GRIK2: variants seen among roughly 807,000 people sequenced by gnomAD.
The protein encoded by GRIK2 is glutamate receptor ionotropic, kainate 2.
A neutral mutation model predicts 100.3 loss-of-function variants in GRIK2; 32 were observed. The observed-to-expected ratio is 0.32, with a 90% confidence interval of 0.24 to 0.43. The LOEUF (loss-of-function observed/expected upper bound fraction) is 0.43, where lower values mean the gene tolerates loss of function less well. GRIK2 is among the 20% of genes least tolerant of loss of function. The pLI, the probability that GRIK2 is intolerant of heterozygous loss-of-function variation, is 1.00. For synonymous variants in GRIK2, 417 were observed against 389.4 expected, an observed-to-expected ratio of 1.07 and a Z score of -0.83; for missense variants, 843 against 1,114.9, an observed-to-expected ratio of 0.76 and a Z score of 3.47.
rs749025045 is a variant in GRIK2, at chr6:101,622,106, A to T, written c.273A>T (p.Ala91=). The T allele has an allele frequency of 2.5e-6, 4 of 1,582,306 alleles. No homozygotes were observed. ...QKINLYDSFE[A]SKKACDQLSL... ...TAAACCTTTATGATAGTTTTGAAGCATCCAAGAAAGGTAATTGATAGATTT... is the reference window on the plus strand; with the variant it reads ...TAAACCTTTATGATAGTTTTGAAGCTTCCAAGAAAGGTAATTGATAGATTT... Residue 91 remains alanine (A), a synonymous_variant, in exon 3 of 17, where the codon GCA becomes GCT. Coordinates refer to ENST00000369134, the MANE Select transcript of GRIK2 (RefSeq NM_021956.5).
In GRIK2 at chr6:101,630,885, T is replaced by A. The variant is rs185285802; in HGVS notation, c.541+4248T>A. Among the ~76,000 whole-genome samples, 136 of 152,248 alleles carry A rather than the reference T, an allele frequency of 8.9e-4. 1 individual carries two copies. Among genetic ancestry groups the A allele is most frequent in the African/African-American group, 2.7e-3 (111 of 41,566 alleles). On this transcript the variant is annotated intron_variant, in intron 4 of 16. Coordinates refer to ENST00000369134, the MANE Select transcript of GRIK2 (RefSeq NM_021956.5). ...ATATTTCCTTTTTCCTTTCCATATT[T>A]ATTTATTATGTATGCTGTTGCTCCC...
At chr6:101,924,560 C>A in intron 12 of GRIK2, 41 bp from the exon 13 acceptor site, 1 of 1,025,788 alleles carries the variant, frequency 9.7e-7, no homozygotes, top group Non-Finnish European at 1.5e-6. Context: ...TTTCTTCCCA[C>A]TGCAATTTAA....
chr6:101,565,628 A>G (rs1022214197), intron 2 of GRIK2, among the ~76,000 whole-genome samples: 1 of 151,956 alleles, frequency 6.6e-6, no homozygotes, highest in African/African-American at 2.4e-5. Flanking sequence ...ATTTCATGTC[A>G]ATAAATAAAT....
rs576930137 is a variant in GRIK2, at chr6:101,397,861, TA to T, written c.-293-1119del. On this transcript the variant is annotated intron_variant, in intron 1 of 16. Transcript: ENST00000369134. ...TTGCCTTTTGTGATGTTTAATCTTT[TA>T]AAAATGTTGACAATATATATTTATT... Among the ~76,000 whole-genome samples, 4 of 152,248 alleles carry T rather than the reference TA, an allele frequency of 2.6e-5. No individual in the cohort carries two copies. The South Asian group carries it at 8.3e-4, about 32-fold the overall frequency.
intron 10 of GRIK2, among the ~76,000 whole-genome samples, chr6:101,846,626 A>T (rs1258340563): frequency 6.6e-6 from 1 of 152,094 alleles, no homozygotes; most frequent in Admixed American, 6.6e-5. Flanking sequence ...GGAATTCATC[A>T]GTGAAGTTAT....
intron 7 of GRIK2, among the ~76,000 whole-genome samples, chr6:101,788,888 T>A (rs1404967675): frequency 6.6e-6 from 1 of 152,192 alleles, no homozygotes; most frequent in African/African-American, 2.4e-5. Flanking sequence ...TCCTGACTGT[T>A]TAATGATTGC....
intron 2 of GRIK2, among the ~76,000 whole-genome samples, chr6:101,549,848 A>G (rs879249698): frequency 6.6e-6 from 1 of 152,170 alleles, no homozygotes; most frequent in Admixed American, 6.5e-5. Flanking sequence ...GTGAAGTGAG[A>G]ACTATAATTA....
chr6:101,914,617 G>C (rs1788976670), intron 12 of GRIK2, among the ~76,000 whole-genome samples: 1 of 151,408 alleles, frequency 6.6e-6, no homozygotes, highest in Non-Finnish European at 1.5e-5. Context: ...CTGACAATGT[G>C]TTGCCCCCCC....
chr6:101,688,395 C>T (rs1225054829), intron 7 of GRIK2, among the ~76,000 whole-genome samples: 1 of 151,786 alleles, frequency 6.6e-6, no homozygotes, highest in African/African-American at 2.4e-5. Context: ...CTTTACACAT[C>T]ATCTCCCGAA....
At chr6:101,875,896 T>G (rs1785798921) in intron 11 of GRIK2, among the ~76,000 whole-genome samples, 2 of 152,034 alleles carry the variant, frequency 1.3e-5, no homozygotes, top group South Asian at 2.1e-4. Flanking sequence ...TTGAACATAT[T>G]TTACACACTT....
At chr6:101,525,670 C>T (rs368115574) in intron 2 of GRIK2, among the ~76,000 whole-genome samples, 227 of 152,222 alleles carry the variant, frequency 1.5e-3, no homozygotes, top group African/African-American at 5.2e-3. Flanking sequence ...TTTCCTTATG[C>T]GTTAGGATGA....
chr6:101,433,921 A>T (rs1014469920), intron 2 of GRIK2, among the ~76,000 whole-genome samples: 1 of 152,208 alleles, frequency 6.6e-6, no homozygotes, highest in African/African-American at 2.4e-5. Flanking sequence ...ACAGGCCAGG[A>T]ATAGATCTTA....
chr6:101,469,941 C>A (rs1456381784), intron 2 of GRIK2, among the ~76,000 whole-genome samples: 3 of 152,168 alleles, frequency 2.0e-5, no homozygotes, highest in Non-Finnish European at 4.4e-5. Context: ...CCACTTATGT[C>A]ATAGCTTTTT....
intron 2 of GRIK2, among the ~76,000 whole-genome samples, chr6:101,561,157 A>G (rs889457113): frequency 7.9e-5 from 12 of 152,174 alleles, no homozygotes; most frequent in Admixed American, 2.6e-4. Context: ...TTAGGAAGCT[A>G]TGTGTTTGAT....
intron 2 of GRIK2, among the ~76,000 whole-genome samples, chr6:101,537,455 CGTGTGT>C (rs559277470): frequency 2.3e-5 from 3 of 130,602 alleles, no homozygotes; most frequent in African/African-American, 8.7e-5. Flanking sequence ...TGTGTGTGTG[CGTGTGT>C]GTGTGTGTGT....
chr6:101,395,015 G>A (rs2852504), intron 1 of GRIK2, among the ~76,000 whole-genome samples: 26,433 of 152,050 alleles, frequency 0.17, 2,473 homozygotes, highest in Non-Finnish European at 0.19. Flanking sequence ...ACTTATTTTA[G>A]TGTCTAAAAA....
At chr6:101,623,866 G>C (rs1214523658) in intron 3 of GRIK2, among the ~76,000 whole-genome samples, 1 of 152,006 alleles carries the variant, frequency 6.6e-6, no homozygotes, top group Non-Finnish European at 1.5e-5. Flanking sequence ...TGTTTGTTGA[G>C]TTATTACTGC....
chr6:101,593,338 A>G (rs926107057), intron 2 of GRIK2, among the ~76,000 whole-genome samples: 7 of 151,978 alleles, frequency 4.6e-5, no homozygotes, highest in African/African-American at 1.7e-4. Context: ...TATTTGTTTC[A>G]TATATTCTGA....
chr6:101,883,866 A>G (rs1197604457), intron 11 of GRIK2, among the ~76,000 whole-genome samples: 1 of 152,180 alleles, frequency 6.6e-6, no homozygotes, highest in East Asian at 1.9e-4. Flanking sequence ...TAATGTTGAT[A>G]AAGCCATATC....
Sources: allele counts gnomAD v4.1 joint callset (sites outside exome capture counted in the v4.1 genomes callset), GRCh38; gene constraint gnomAD v4.1.1; transcripts MANE v1.5; gene names NCBI Gene and HGNC (gene_info 2026-07-23, HGNC 2026-07-21).